The following POLR2H variants were observed in gnomAD, a reference collection of about 807,000 sequenced individuals.
POLR2H encodes the protein DNA-directed RNA polymerases I, II, and III subunit RPABC3.
A neutral mutation model predicts 18.1 loss-of-function variants in POLR2H; 3 were observed. The observed-to-expected ratio is 0.17, with a 90% CI of 0.08 to 0.43. The LOEUF is 0.43. POLR2H is among the 20% of genes least tolerant of loss of function. POLR2H has a pLI of 0.99. For synonymous variants in POLR2H, 76 were observed against 69.0 expected, an observed-to-expected ratio of 1.10 and a Z score of -0.50; for missense variants, 103 against 184.6, an observed-to-expected ratio of 0.56 and a Z score of 2.56.
chr3:184,368,073 A>G, intron 5 of POLR2H, 104 bp from the exon 6 acceptor site: 2 of 1,578,244 alleles, frequency 1.3e-6, no homozygotes, highest in South Asian at 1.1e-5. Flanking sequence ...TTTGGTTCCT[A>G]GTGACACAAC....
rs1407773563 is a variant in POLR2H, at chr3:184,363,202, C to T, written c.-291C>T. On this transcript the variant is annotated 5_prime_UTR_variant, in exon 2 of 6. Coordinates refer to ENST00000456318, the MANE Select transcript of POLR2H (RefSeq NM_006232.5). ...GGAGCGCGAGAACCCGCTCTACAGCCTATTGCTTCCCCGCCCTGGGCAGAG... is the reference window on the plus strand; with the variant it reads ...GGAGCGCGAGAACCCGCTCTACAGCTTATTGCTTCCCCGCCCTGGGCAGAG... The T allele has an allele frequency of 8.2e-6, 4 of 487,182 alleles. No individual in the cohort carries two copies. In the East Asian group the frequency reaches 1.2e-4, roughly 15 times the overall value. 30.2% of individuals were successfully genotyped at this position (487,182 alleles called of 1,614,324 possible).
intron 4 of POLR2H, chr3:184,365,582 G>C (rs1288039968): frequency 7.4e-6 from 2 of 269,834 alleles, no homozygotes; most frequent in Non-Finnish European, 1.4e-5. Flanking sequence ...GAGGTGGGAG[G>C]ATTGCCTGAG....
At position 184,363,017 on chromosome 3, in the gene POLR2H, C is replaced by T. The variant is rs1712497396; in HGVS notation, c.-476C>T. The T allele has an allele frequency of 9.6e-6, 2 of 209,386 alleles. No homozygotes were observed. Among genetic ancestry groups the T allele is most frequent in the Non-Finnish European group, 2.0e-5 (2 of 101,036 alleles). 13.0% of individuals were successfully genotyped at this position (209,386 alleles called of 1,614,324 possible). A position where few individuals can be genotyped will look rare whatever the true frequency, so the allele number is the denominator to read the frequency against. ...GGGGCGGGGTTCTGCTCCACCTGCC[C>T]TCGGCGCGGACTGTGCCCTCGGCGG... On this transcript the variant is annotated 5_prime_UTR_variant, in exon 2 of 6. Coordinates refer to ENST00000456318, the MANE Select transcript of POLR2H (RefSeq NM_006232.5).
At chr3:184,364,912 C>G in intron 2 of POLR2H, 54 bp from the exon 3 acceptor site, 1 of 1,187,870 alleles carries the variant, frequency 8.4e-7, no homozygotes, top group African/African-American at 1.5e-5. Flanking sequence ...CAATCCCACA[C>G]TGTAGGATCT....
intron 4 of POLR2H, chr3:184,365,581 G>A: frequency 3.7e-6 from 1 of 272,182 alleles, no homozygotes. Context: ...TGAGGTGGGA[G>A]GATTGCCTGA....
chr3:184,362,439 T>C lies in POLR2H; in HGVS notation c.-621+293T>C, dbSNP rs558867637. Reference sequence around the variant, plus strand: ...GCAGGGTGGATGGGCAGCGTAGAGATAGTGTGAGAGGAGCGAGGGCAGCGC... The same window carrying C: ...GCAGGGTGGATGGGCAGCGTAGAGACAGTGTGAGAGGAGCGAGGGCAGCGC... On this transcript the variant is annotated intron_variant, in intron 1 of 5. Transcript: ENST00000456318. This position sits in a 1 kb window ranked among gnomAD's most constrained non-coding sequence, Gnocchi z 5.9. The C allele has an allele frequency of 4.2e-4, 63 of 151,728 alleles. No individual in the cohort carries two copies. The highest frequency in any genetic ancestry group is 1.4e-3 in the African/African-American group (56 of 41,152). The allele number at this position is 151,728 out of a possible 1,614,324, so 9.4% of individuals were successfully genotyped here. A position where few individuals can be genotyped will look rare whatever the true frequency, so the allele number is the denominator to read the frequency against.
At chr3:184,364,792 C>G (rs1463852645) in intron 2 of POLR2H, 174 bp from the exon 3 acceptor site, 1 of 581,450 alleles carries the variant, frequency 1.7e-6, no homozygotes, top group East Asian at 2.8e-5. Flanking sequence ...CACAGTTTTT[C>G]TCCCCTTTTC....
chr3:184,363,586 C>T (rs1394175429), intron 2 of POLR2H, 21 bp downstream of exon 2: 38 of 1,601,974 alleles, frequency 2.4e-5, no homozygotes, highest in Non-Finnish European at 3.0e-5. Context: ...TATGTAGGGG[C>T]GGTTTGGAGG....
In POLR2H at chr3:184,363,321, C is replaced by G; in HGVS notation, c.-172C>G. Reference sequence around the variant, plus strand: ...AGTAGCCCCGAGCGGGAGGCTGTGGCGGAAGTGGTCGCGTTACCGCTTGTT... The same window carrying G: ...AGTAGCCCCGAGCGGGAGGCTGTGGGGGAAGTGGTCGCGTTACCGCTTGTT... On this transcript the variant is annotated 5_prime_UTR_variant, in exon 2 of 6. Transcript: ENST00000456318. 1.5e-6 allele frequency: 1 copy of G among 653,026 alleles called. No individual in the cohort carries two copies. Among genetic ancestry groups the G allele is most frequent in the Non-Finnish European group, 2.8e-6 (1 of 358,380 alleles). The allele number at this position is 653,026 out of a possible 1,614,324, so 40.5% of individuals were successfully genotyped here. A position where few individuals can be genotyped will look rare whatever the true frequency, so the allele number is the denominator to read the frequency against.
chr3:184,363,771 T>C (rs965586765), intron 2 of POLR2H, among the ~76,000 whole-genome samples: 1 of 152,164 alleles, frequency 6.6e-6, no homozygotes, highest in South Asian at 2.1e-4. Context: ...GGTGCCTGGG[T>C]GGCCTTTTGT....
intron 2 of POLR2H, 53 bp downstream of exon 2, chr3:184,363,618 T>A (rs1473822133): frequency 2.0e-5 from 29 of 1,443,234 alleles, no homozygotes. Context: ...CTCGCGGACA[T>A]GCCCCTGGGC....
At chr3:184,366,536 C>T (rs1713318841) in intron 4 of POLR2H, 181 bp from the exon 5 acceptor site, 11 of 421,464 alleles carry the variant, frequency 2.6e-5, no homozygotes, top group Non-Finnish European at 3.9e-5. Context: ...GATGGGGTTT[C>T]ACTGTGTTAG....
At position 184,366,722 on chromosome 3, in the gene POLR2H, A is replaced by G. The variant is rs1170422165; in HGVS notation, c.257A>G (p.Asp86Gly). Residue 86 changes from aspartate (D) to glycine (G), a missense_variant, in exon 5 of 6, where the codon GAC becomes GGC. Asp to Gly is a moderately conservative substitution (Grantham distance 94, BLOSUM62 -1). Coordinates refer to ENST00000456318, the MANE Select transcript of POLR2H (RefSeq NM_006232.5). The stretch of plus-strand genomic sequence containing the variant: ...TTGCTGCTATTGCTCCATAGGGCTG[A>G]CCAGTTTGAGTATGTAATGTATGGA... Reference protein sequence around the residue: ...NPTDDRPSRADQFEYVMYGKV... With the variant: ...NPTDDRPSRAGQFEYVMYGKV... 6.3e-7 allele frequency: 1 copy of G among 1,587,054 alleles called. No homozygotes were observed. Among genetic ancestry groups the G allele is most frequent in the East Asian group, 2.2e-5 (1 of 44,748 alleles).
Position 184,362,836 on chromosome 3 carries a change from G to C in POLR2H, c.-620-37G>C, listed in dbSNP as rs2108589089. ...GCAGTGGTGGGAGGGTGCAGTACGA[G>C]AGGAGGGGACAATGCAGGCTTTCCT... On this transcript the variant is annotated intron_variant, in intron 1 of 5. Coordinates refer to ENST00000456318, the MANE Select transcript of POLR2H (RefSeq NM_006232.5). This position sits in a 1 kb window ranked among gnomAD's most constrained non-coding sequence, Gnocchi z 5.9. 1 of 155,598 alleles carries C rather than the reference G, an allele frequency of 6.4e-6. No homozygotes were observed. The highest frequency in any genetic ancestry group is 6.4e-5 in the Admixed American group (1 of 15,628). The allele number at this position is 155,598 out of a possible 1,614,324, so 9.6% of individuals were successfully genotyped here. A position where few individuals can be genotyped will look rare whatever the true frequency, so the allele number is the denominator to read the frequency against.
In POLR2H at chr3:184,365,154, T is replaced by C; in HGVS notation, c.179T>C (p.Ile60Thr). Residue 60 changes from isoleucine to threonine, a missense_variant, in exon 4 of 6, where the codon ATA becomes ACA. Coordinates refer to ENST00000456318, the MANE Select transcript of POLR2H (RefSeq NM_006232.5). ...VDLGDKFRLV[I>T]ASTLYEDGTL... The stretch of plus-strand genomic sequence containing the variant: ...TCAGGTGACAAGTTTCGGTTGGTCA[T>C]AGCTAGTACCTTGTATGAAGATGGT... The C allele has an allele frequency of 6.2e-7, 1 of 1,613,410 alleles. No individual in the cohort carries two copies. The highest frequency in any genetic ancestry group is 8.5e-7 in the Non-Finnish European group (1 of 1,179,308).
At chr3:184,366,445 C>A in intron 4 of POLR2H, 1 of 227,816 alleles carries the variant, frequency 4.4e-6, no homozygotes, top group Non-Finnish European at 8.7e-6. Context: ...TCACGCCATT[C>A]TCCTACCTCA....
Position 184,366,805 on chromosome 3 carries a change from G to A in POLR2H, c.335+5G>A, listed in dbSNP as rs1235294224. 1 of 1,511,726 alleles carries A rather than the reference G, an allele frequency of 6.6e-7. No individual in the cohort carries two copies. The highest frequency in any genetic ancestry group is 1.7e-5 in the Admixed American group (1 of 59,876). The allele number at this position is 1,511,726 out of a possible 1,614,324, so 93.6% of individuals were successfully genotyped here. ...TACTGAAGCAGCAACACGCCTGTAA[G>A]TTACGTAATCTTGTGAGGATTCTTT... On this transcript the variant is annotated splice_donor_5th_base_variant and intron_variant, in intron 5 of 5. Coordinates refer to ENST00000456318, the MANE Select transcript of POLR2H (RefSeq NM_006232.5).
chr3:184,367,221 T>G (rs2108608542), intron 5 of POLR2H, among the ~76,000 whole-genome samples: 1 of 152,188 alleles, frequency 6.6e-6, no homozygotes, highest in African/African-American at 2.4e-5. Context: ...GTCCAGCTAT[T>G]TTTTCTTTTC....
chr3:184,366,578 T>A, intron 4 of POLR2H, 139 bp from the exon 5 acceptor site: 1 of 549,878 alleles, frequency 1.8e-6, no homozygotes, highest in East Asian at 3.4e-5. Flanking sequence ...GACCTCGTGA[T>A]CTGCCCGCCT....
Sources: gnomAD v4.1 joint callset for allele counts (sites outside exome capture counted in the v4.1 genomes callset) on GRCh38, gnomAD v4.1.1 for gene constraint, Gnocchi (gnomAD v3.1) non-coding constraint, MANE v1.5 for transcripts, NCBI Gene and HGNC (gene_info 2026-07-23, HGNC 2026-07-21) for gene names.